The following CCDC102B variants were observed in gnomAD, a reference collection of about 807,000 sequenced individuals.
CCDC102B encodes coiled-coil domain containing 102B.
Under a neutral mutation model 57.4 loss-of-function variants are expected in CCDC102B, and 75 were observed. That is an observed-to-expected ratio of 1.31 (90% CI 1.08 to 1.58). CCDC102B has a LOEUF of 1.58. Ranked by LOEUF, CCDC102B falls within the 40% of genes most tolerant of loss-of-function variation. CCDC102B has a pLI of 0.00. For synonymous variants in CCDC102B, 206 were observed against 201.9 expected, an observed-to-expected ratio of 1.02 and a Z score of -0.17; for missense variants, 636 against 582.6, an observed-to-expected ratio of 1.09 and a Z score of -0.94.
At chr18:68,736,664 C>G (rs2033142695) in intron 2 of CCDC102B, among the ~76,000 whole-genome samples, 2 of 151,990 alleles carry the variant, frequency 1.3e-5, no homozygotes, top group African/African-American at 4.8e-5. Flanking sequence ...ATGGAGGCAG[C>G]AAGAGGAATG....
At chr18:68,784,226 A>C (rs567471) in intron 2 of CCDC102B, among the ~76,000 whole-genome samples, 4 of 152,104 alleles carry the variant, frequency 2.6e-5, no homozygotes, top group South Asian at 4.1e-4. Flanking sequence ...TCTGTTTTGT[A>C]GGGGGCAGCG....
chr18:68,810,630 AT>A (rs1433371879), intron 1 of CCDC102B, among the ~76,000 whole-genome samples: 1 of 138,522 alleles, frequency 7.2e-6, no homozygotes, highest in African/African-American at 2.7e-5. Flanking sequence ...GTTCTCTAGG[AT>A]CATGATTTTT....
chr18:68,775,693 C>T lies in CCDC102B; in HGVS notation c.-66-47673C>T, dbSNP rs372113523. On this transcript the variant is annotated intron_variant, in intron 2 of 3. Coordinates refer to the CCDC102B transcript ENST00000578970. The stretch of plus-strand genomic sequence containing the variant: ...TTTTTTTTAAGGAGTCTTGCTCTGT[C>T]GCCAGGCTGGAGTGCAGTGGCGTGA... Among the ~76,000 whole-genome samples, 23 of 129,798 alleles carry T rather than the reference C, an allele frequency of 1.8e-4. No individual in the cohort carries two copies. The East Asian group carries it at 2.8e-3, about 16-fold the overall frequency. The allele number at this position is 129,798 out of a possible 152,430, so 85.2% of individuals were successfully genotyped here.
chr18:68,850,706 A>G (rs927887432), intron 4 of CCDC102B, among the ~76,000 whole-genome samples: 2 of 152,042 alleles, frequency 1.3e-5, no homozygotes, highest in Non-Finnish European at 2.9e-5. Flanking sequence ...TCCTTTCTTT[A>G]TCATTTCCCC....
chr18:68,979,349 A>G (rs1037045528), intron 6 of CCDC102B, among the ~76,000 whole-genome samples: 12 of 152,128 alleles, frequency 7.9e-5, no homozygotes, highest in African/African-American at 2.9e-4. Flanking sequence ...CCTTCAGTCT[A>G]GTAATTCTGG....
chr18:68,803,415 T>C (rs540372754), intron 1 of CCDC102B, among the ~76,000 whole-genome samples: 1 of 152,170 alleles, frequency 6.6e-6, no homozygotes, highest in African/African-American at 2.4e-5. Flanking sequence ...AAAAGAACAT[T>C]CAGGCTAAAA....
chr18:68,750,559 T>C (rs1003821413), intron 2 of CCDC102B, among the ~76,000 whole-genome samples: 4 of 152,044 alleles, frequency 2.6e-5, no homozygotes, highest in African/African-American at 9.7e-5. Context: ...CAAATTTCCA[T>C]CAATGATAGA....
At chr18:68,941,139 T>C (rs2049370603) in intron 6 of CCDC102B, among the ~76,000 whole-genome samples, 1 of 151,656 alleles carries the variant, frequency 6.6e-6, no homozygotes, top group Non-Finnish European at 1.5e-5. Context: ...GCATATGTTG[T>C]ATTTATTTAT....
At chr18:69,004,101 CCAT>C (rs1357347318) in intron 6 of CCDC102B, among the ~76,000 whole-genome samples, 1 of 152,156 alleles carries the variant, frequency 6.6e-6, no homozygotes, top group Non-Finnish European at 1.5e-5. Context: ...AGTAAAGTTT[CCAT>C]CATCTATTTC....
chr18:69,018,640 G>C (rs1199038173), intron 7 of CCDC102B, among the ~76,000 whole-genome samples: 1 of 152,034 alleles, frequency 6.6e-6, no homozygotes, highest in Non-Finnish European at 1.5e-5. Context: ...TTGCTATTGA[G>C]CTGTATGAAT....
intron 6 of CCDC102B, among the ~76,000 whole-genome samples, chr18:68,905,784 C>CTTTTTTTTTTTTTTT (rs35808828): frequency 7.1e-5 from 5 of 70,438 alleles, no homozygotes; most frequent in East Asian, 1.1e-3. Context: ...TTATGTCTGG[C>CTTTTTTTTTTTTTTT]TTTTTTTTTT....
intron 6 of CCDC102B, among the ~76,000 whole-genome samples, chr18:68,995,964 C>T (rs564641823): frequency 1.3e-5 from 2 of 152,318 alleles, no homozygotes; most frequent in South Asian, 2.1e-4. Flanking sequence ...GGAGCTCACT[C>T]CTTGCATTAG....
chr18:68,741,720 G>A (rs2033401298), intron 2 of CCDC102B, among the ~76,000 whole-genome samples: 2 of 144,442 alleles, frequency 1.4e-5, no homozygotes, highest in South Asian at 4.4e-4. Context: ...CACACCCCAA[G>A]ACAATATAGA....
chr18:68,831,342 G>T (rs1363555058), intron 1 of CCDC102B, among the ~76,000 whole-genome samples: 2 of 152,058 alleles, frequency 1.3e-5, no homozygotes, highest in East Asian at 3.9e-4. Context: ...GAGCAATGAA[G>T]AGTAAGCTAG....
chr18:68,822,867 C>G (rs2036749296), intron 1 of CCDC102B, among the ~76,000 whole-genome samples: 1 of 103,142 alleles, frequency 9.7e-6, no homozygotes, highest in African/African-American at 4.2e-5. Context: ...AGAATAGGGT[C>G]TGGAGCCTAA....
chr18:68,985,087 C>A (rs2050689302), intron 6 of CCDC102B, among the ~76,000 whole-genome samples: 1 of 152,092 alleles, frequency 6.6e-6, no homozygotes, highest in South Asian at 2.1e-4. Context: ...GAAGTCTACA[C>A]AATTTGTATA....
At chr18:68,934,049 T>A (rs2145148279) in intron 6 of CCDC102B, among the ~76,000 whole-genome samples, 1 of 151,996 alleles carries the variant, frequency 6.6e-6, no homozygotes, top group South Asian at 2.1e-4. Flanking sequence ...TTATTACTGA[T>A]GAAAAATTAT....
chr18:68,993,202 G>C (rs1367084808), intron 6 of CCDC102B: 1 of 154,244 alleles, frequency 6.5e-6, no homozygotes, highest in Non-Finnish European at 1.5e-5. Flanking sequence ...GGGTTTGACT[G>C]CAGCCTCTGC....
intron 4 of CCDC102B, among the ~76,000 whole-genome samples, chr18:68,849,679 C>A (rs2038035799): frequency 6.6e-6 from 1 of 152,112 alleles, no homozygotes; most frequent in South Asian, 2.1e-4. Flanking sequence ...AGTAATTCAG[C>A]AGTCCAAGGA....
Sources: gnomAD v4.1 joint callset for allele counts (sites outside exome capture counted in the v4.1 genomes callset) on GRCh38, gnomAD v4.1.1 for gene constraint, MANE v1.5 for transcripts, NCBI Gene and HGNC (gene_info 2026-07-23, HGNC 2026-07-21) for gene names.